The following PCDHA3 variants were observed in gnomAD, a reference collection of about 807,000 sequenced individuals.
The protein encoded by PCDHA3 is protocadherin alpha 3, also known as protocadherin alpha-3.
In PCDHA3, 41 loss-of-function variants were observed where a neutral mutation model predicts 62.2. The ratio of observed to expected loss-of-function variants is 0.66; its 90% CI spans 0.51 to 0.86. The LOEUF is 0.86. PCDHA3 is among the 40% of genes least tolerant of loss of function. The probability of loss-of-function intolerance (pLI) is 0.00; values close to 1 mark genes in which losing one functional copy is unlikely to be tolerated. For synonymous variants in PCDHA3, 640 were observed against 555.4 expected, an observed-to-expected ratio of 1.15 and a Z score of -2.14; for missense variants, 1,304 against 1,241.2, an observed-to-expected ratio of 1.05 and a Z score of -0.76.
In PCDHA3 at chr5:140,850,602, G is replaced by T. The variant is rs146973370; in HGVS notation, c.2394+47011G>T. ...GGATGTCAACGTGTACCTGATCATC[G>T]CCATCTGCGCGGTGTCTAGCCTGTT... On this transcript the variant is annotated intron_variant, in intron 1 of 3. Coordinates refer to ENST00000522353, the MANE Select transcript of PCDHA3 (RefSeq NM_018906.3). 1.5e-4 allele frequency: 240 copies of T among 1,598,420 alleles called. 25 individuals carry two copies. The highest frequency in any genetic ancestry group is 1.8e-4 in the Non-Finnish European group (209 of 1,167,886).
chr5:140,986,204 T>A (rs2097190386), intron 3 of PCDHA3, among the ~76,000 whole-genome samples: 1 of 152,224 alleles, frequency 6.6e-6, no homozygotes, highest in African/African-American at 2.4e-5. Context: ...TAATCCTGAT[T>A]ACTGGCCCCT....
rs782253021 is a variant in PCDHA3, at chr5:140,836,724, T to A, written c.2394+33133T>A. 4.3e-6 allele frequency: 7 copies of A among 1,611,936 alleles called. No individual in the cohort carries two copies. The Admixed American group carries it at 5.0e-5, about 12-fold the overall frequency. On this transcript the variant is annotated intron_variant, in intron 1 of 3. Coordinates refer to ENST00000522353, the MANE Select transcript of PCDHA3 (RefSeq NM_018906.3). ...CAGTCCCAGCCTTCCTCAGGGTCCATCCTCTACAGACAATGTGAGTCATAA... is the reference window on the plus strand; with the variant it reads ...CAGTCCCAGCCTTCCTCAGGGTCCAACCTCTACAGACAATGTGAGTCATAA...
rs2098420299 is a variant in PCDHA3 at position 141,011,351 on chromosome 5, A to G, written c.*1414A>G. The G allele has an allele frequency of 1.3e-5, 2 of 153,694 alleles. No homozygotes were observed. Among genetic ancestry groups the G allele is most frequent in the African/African-American group, 2.4e-5 (1 of 41,410 alleles). 9.5% of individuals were successfully genotyped at this position (153,694 alleles called of 1,614,324 possible). A position where few individuals can be genotyped will look rare whatever the true frequency, so the allele number is the denominator to read the frequency against. On this transcript the variant is annotated 3_prime_UTR_variant, in exon 4 of 4. Transcript: ENST00000522353. ...TGATGTTACCTGAAATCAATCTCCC[A>G]TATGTATGCTGTATGCTATGCTAAG...
intron 1 of PCDHA3, chr5:140,868,478 AT>A (rs1444050987): frequency 1.3e-5 from 2 of 152,364 alleles, no homozygotes; most frequent in Non-Finnish European, 2.9e-5. Flanking sequence ...TAAAACTTCA[AT>A]TTTTTCTTTG....
intron 1 of PCDHA3, chr5:140,808,377 T>C: frequency 6.2e-7 from 1 of 1,614,180 alleles, no homozygotes; most frequent in Non-Finnish European, 8.5e-7. Flanking sequence ...CCCTTCAAGC[T>C]GGTGTCCACC....
chr5:140,877,730 A>G (rs782465464), intron 1 of PCDHA3: 1 of 1,614,146 alleles, frequency 6.2e-7, no homozygotes, highest in Non-Finnish European at 8.5e-7. Flanking sequence ...TACTCGCAGC[A>G]GAGGAGGCAG....
chr5:140,932,088 T>G (rs2088018403), intron 1 of PCDHA3, among the ~76,000 whole-genome samples: 1 of 151,932 alleles, frequency 6.6e-6, no homozygotes, highest in Non-Finnish European at 1.5e-5. Context: ...CAGGAAAACA[T>G]GGTTTTTATC....
chr5:140,967,477 C>T (rs782240426), intron 1 of PCDHA3: 1 of 1,613,396 alleles, frequency 6.2e-7, no homozygotes, highest in Non-Finnish European at 8.5e-7. Flanking sequence ...TCCCAGCCCG[C>T]TCGGGTACGG....
At chr5:140,996,695 A>G (rs1207094122) in intron 3 of PCDHA3, among the ~76,000 whole-genome samples, 1 of 152,088 alleles carries the variant, frequency 6.6e-6, no homozygotes, top group East Asian at 1.9e-4. Context: ...ATTCTTCTGA[A>G]CCTCTATCTC....
rs2150107729 is a variant in PCDHA3, at chr5:140,820,707, A to G, written c.2394+17116A>G. ...ATAAAATGATATTCTTTTCAACATG[A>G]TTATATTTACTGGAACCTAAACATT... On this transcript the variant is annotated intron_variant, in intron 1 of 3. Coordinates refer to ENST00000522353, the MANE Select transcript of PCDHA3 (RefSeq NM_018906.3). Among the ~76,000 whole-genome samples the G allele has an allele frequency of 7.0e-4, 106 of 152,222 alleles. 2 individuals carry two copies. Among genetic ancestry groups the G allele is most frequent in the Admixed American group, 6.3e-3 (96 of 15,296 alleles).
rs2150319932 is a variant in PCDHA3 at position 140,841,641 on chromosome 5, A to T, written c.2394+38050A>T. 4.3e-6 allele frequency: 7 copies of T among 1,613,950 alleles called. No individual in the cohort carries two copies. The highest frequency in any genetic ancestry group is 5.1e-6 in the Non-Finnish European group (6 of 1,179,994). ...AGCGCGGAGTGCAGCATCCACCTGG[A>T]GGTGATCGTGGACAGGCCGCTGCAG... On this transcript the variant is annotated intron_variant, in intron 1 of 3. Coordinates refer to ENST00000522353, the MANE Select transcript of PCDHA3 (RefSeq NM_018906.3).
rs782761972 is a variant in PCDHA3, at chr5:140,927,978, T to C, written c.2395-50971T>C. 9.9e-6 allele frequency: 16 copies of C among 1,614,092 alleles called. No individual in the cohort carries two copies. In the East Asian group the frequency reaches 1.8e-4, roughly 18 times the overall value. ...CCCCTGGCACAGTGATTGCTCTCTTTAGTGTAAAGGATGAAGACCTCGATT... is the reference window on the plus strand; with the variant it reads ...CCCCTGGCACAGTGATTGCTCTCTTCAGTGTAAAGGATGAAGACCTCGATT... On this transcript the variant is annotated intron_variant, in intron 1 of 3. Coordinates refer to ENST00000522353, the MANE Select transcript of PCDHA3 (RefSeq NM_018906.3).
intron 1 of PCDHA3, among the ~76,000 whole-genome samples, chr5:140,951,356 C>T (rs1362153667): frequency 6.6e-6 from 1 of 151,998 alleles, no homozygotes; most frequent in African/African-American, 2.4e-5. Flanking sequence ...CATTATTGCA[C>T]TGTTATAAAG....
At chr5:140,860,280 G>A (rs1339122152) in intron 1 of PCDHA3, 2 of 151,906 alleles carry the variant, frequency 1.3e-5, no homozygotes, top group Admixed American at 1.3e-4. Context: ...ACTTGGGAGG[G>A]TGAGGTGGGA....
chr5:140,933,166 T>C (rs1447932546), intron 1 of PCDHA3, among the ~76,000 whole-genome samples: 1 of 152,002 alleles, frequency 6.6e-6, no homozygotes, highest in African/African-American at 2.4e-5. Context: ...CCAATTTTAA[T>C]TGATGGCATA....
intron 1 of PCDHA3, among the ~76,000 whole-genome samples, chr5:140,917,128 C>T (rs2077898518): frequency 6.6e-6 from 1 of 152,044 alleles, no homozygotes; most frequent in Non-Finnish European, 1.5e-5. Flanking sequence ...GCAGACTCCC[C>T]ACGTTGCTCA....
At chr5:140,994,325 A>G (rs879964488) in intron 3 of PCDHA3, among the ~76,000 whole-genome samples, 8 of 152,190 alleles carry the variant, frequency 5.3e-5, no homozygotes, top group African/African-American at 7.2e-5. Flanking sequence ...ACTCTCAGCA[A>G]CCATGAACAG....
In PCDHA3 at chr5:140,843,235, C is replaced by G. The variant is rs2150355590; in HGVS notation, c.2394+39644C>G. On this transcript the variant is annotated intron_variant, in intron 1 of 3. Coordinates refer to ENST00000522353, the MANE Select transcript of PCDHA3 (RefSeq NM_018906.3). ...AGATCAGCACCACTCGTGTCCTGGACGAAGCGGACTCTCCGCGCCACCGTC... is the reference window on the plus strand; with the variant it reads ...AGATCAGCACCACTCGTGTCCTGGAGGAAGCGGACTCTCCGCGCCACCGTC... 1.0e-5 allele frequency: 16 copies of G among 1,595,840 alleles called. 2 individuals are homozygous for G. The African/African-American group carries it at 1.2e-4, about 12-fold the overall frequency.
At chr5:140,886,921 C>T (rs778306326) in intron 1 of PCDHA3, among the ~76,000 whole-genome samples, 2 of 151,406 alleles carry the variant, frequency 1.3e-5, no homozygotes, top group African/African-American at 4.9e-5. Context: ...TGAGTGTTCT[C>T]TATGTGCCAG....
Sources: gnomAD v4.1 joint callset for allele counts (sites outside exome capture counted in the v4.1 genomes callset) on GRCh38, gnomAD v4.1.1 for gene constraint, MANE v1.5 for transcripts, NCBI Gene and HGNC (gene_info 2026-07-23, HGNC 2026-07-21) for gene names.